CAMK1G: variants seen among roughly 807,000 people sequenced by gnomAD.
The protein encoded by CAMK1G is calcium/calmodulin dependent protein kinase IG, also known as calcium/calmodulin-dependent protein kinase type 1G.
CAMK1G carries 27 observed loss-of-function variants against 54.8 expected under a neutral mutation model. That is an observed-to-expected ratio of 0.49 (90% CI 0.36 to 0.68). The LOEUF is 0.68. CAMK1G is among the 30% of genes least tolerant of loss of function. The pLI is 0.00. For missense variants in CAMK1G, 512 were observed against 591.0 expected (o/e 0.87, Z 1.39); for synonymous variants, 238 against 224.9 (o/e 1.06, Z -0.52).
rs141347676 is a variant in CAMK1G at position 209,597,827 on chromosome 1, T to C, written c.93-2156T>C. 3.3e-3 allele frequency among the ~76,000 whole-genome samples: 504 copies of C among 152,352 alleles called. 1 individual carries two copies. Among genetic ancestry groups the C allele is most frequent in the African/African-American group, 0.011 (477 of 41,582 alleles). On this transcript the variant is annotated intron_variant, in intron 2 of 12. Coordinates refer to ENST00000361322, the MANE Select transcript of CAMK1G (RefSeq NM_020439.3). The stretch of plus-strand genomic sequence containing the variant: ...GTCAAGGATGGCTCAGCTGTTTCCT[T>C]ACTTAGATTCTCTCTCCTCTTGTAC...
chr1:209,603,333 C>T (rs1215519996), intron 4 of CAMK1G, 45 bp downstream of exon 4: 4 of 1,514,860 alleles, frequency 2.6e-6, no homozygotes, highest in East Asian at 2.3e-5. Context: ...CCTGGTGGGG[C>T]CTGGGAGGCC....
chr1:209,612,334 G>T, intron 11 of CAMK1G, 118 bp downstream of exon 11: 1 of 1,115,122 alleles, frequency 9.0e-7, no homozygotes, highest in Non-Finnish European at 1.3e-6. Context: ...TATAGGGAGG[G>T]ATGAGTTCTG....
intron 5 of CAMK1G, 98 bp from the exon 6 acceptor site, chr1:209,606,222 G>T: frequency 6.7e-7 from 1 of 1,500,288 alleles, no homozygotes; most frequent in Non-Finnish European, 9.1e-7. Context: ...GAAGTCAGGA[G>T]CCCAGGGCTC....
chr1:209,584,898 A>G (rs1665056167), intron 1 of CAMK1G, among the ~76,000 whole-genome samples: 1 of 152,324 alleles, frequency 6.6e-6, no homozygotes, highest in East Asian at 1.9e-4. Flanking sequence ...GTAATACCTG[A>G]TATGGGGACC....
chr1:209,594,165 CT>C (rs1364918561), intron 1 of CAMK1G, among the ~76,000 whole-genome samples: 1 of 152,194 alleles, frequency 6.6e-6, no homozygotes, highest in Non-Finnish European at 1.5e-5. Flanking sequence ...AAGACCCTCC[CT>C]GTTTATCTCT....
rs1328950514 is a variant in CAMK1G, at chr1:209,583,763, G to T, written c.-39G>T. On this transcript the variant is annotated 5_prime_UTR_variant, in exon 1 of 13. Coordinates refer to ENST00000361322, the MANE Select transcript of CAMK1G (RefSeq NM_020439.3). ...TGGGAGCTCAAGCAGGATTCTTCCC[G>T]AGTCCCTGGGTAAGACAACCCTGCT... 1.3e-5 allele frequency: 2 copies of T among 152,194 alleles called. No individual in the cohort carries two copies. Among genetic ancestry groups the T allele is most frequent in the Non-Finnish European group, 2.9e-5 (2 of 68,048 alleles). 9.4% of individuals were successfully genotyped at this position (152,194 alleles called of 1,614,324 possible). A position where few individuals can be genotyped will look rare whatever the true frequency, so the allele number is the denominator to read the frequency against.
intron 1 of CAMK1G, among the ~76,000 whole-genome samples, chr1:209,586,497 C>T (rs1200864005): frequency 6.6e-6 from 1 of 152,042 alleles, no homozygotes; most frequent in Admixed American, 6.5e-5. Flanking sequence ...GTGAAAGGCA[C>T]GTGGGAGCTG....
chr1:209,612,634 T>G, intron 11 of CAMK1G, 151 bp from the exon 12 acceptor site: 4 of 635,078 alleles, frequency 6.3e-6, no homozygotes, highest in Non-Finnish European at 1.1e-5. Flanking sequence ...TGGTTATCTT[T>G]ATCTTTTCTG....
chr1:209,598,029 AG>A (rs1196400051), intron 2 of CAMK1G, among the ~76,000 whole-genome samples: 3 of 152,236 alleles, frequency 2.0e-5, no homozygotes, highest in Non-Finnish European at 4.4e-5. Flanking sequence ...ATTTCAGATG[AG>A]GAAACTGGGA....
At chr1:209,604,923 C>T (rs1665611230) in intron 4 of CAMK1G, among the ~76,000 whole-genome samples, 1 of 152,110 alleles carries the variant, frequency 6.6e-6, no homozygotes, top group Non-Finnish European at 1.5e-5. Context: ...CTAGTACTCA[C>T]TAGAAAACTT....
chr1:209,591,702 C>T (rs887420087), intron 1 of CAMK1G, among the ~76,000 whole-genome samples: 1 of 152,106 alleles, frequency 6.6e-6, no homozygotes, highest in African/African-American at 2.4e-5. Flanking sequence ...GAGAAGGGGG[C>T]CTCAGACTTC....
At chr1:209,591,352 A>G (rs1571773035) in intron 1 of CAMK1G, among the ~76,000 whole-genome samples, 1 of 152,218 alleles carries the variant, frequency 6.6e-6, no homozygotes, top group African/African-American at 2.4e-5. Flanking sequence ...AGTTTCTCAC[A>G]TGCATTTTTT....
chr1:209,611,977 C>G lies in CAMK1G; in HGVS notation c.1101C>G (p.Leu367=). ...EAPVLDHSVA[L]PALTQLPCQH... ...CTGTCCTGGACCACAGTGTAGCACT[C>G]CCTGCCCTGACCCAATTACCCTGCC... The change falls in exon 11 of 13, where the codon CTC becomes CTG. Residue 367 remains leucine, a synonymous_variant. Coordinates refer to ENST00000361322, the MANE Select transcript of CAMK1G (RefSeq NM_020439.3). 1.2e-6 allele frequency: 2 copies of G among 1,614,274 alleles called. No homozygotes were observed. Among genetic ancestry groups the G allele is most frequent in the Non-Finnish European group, 1.7e-6 (2 of 1,180,052 alleles).
chr1:209,591,046 C>T (rs959605010), intron 1 of CAMK1G, among the ~76,000 whole-genome samples: 2 of 151,868 alleles, frequency 1.3e-5, no homozygotes, highest in Admixed American at 1.3e-4. Flanking sequence ...AGATTTGGGA[C>T]TCAGGATCTA....
chr1:209,598,660 A>G (rs1326612686), intron 2 of CAMK1G, among the ~76,000 whole-genome samples: 1 of 152,244 alleles, frequency 6.6e-6, no homozygotes, highest in Non-Finnish European at 1.5e-5. Flanking sequence ...CATGTCAGAT[A>G]CAACTGCCAT....
chr1:209,585,866 C>T (rs1308569579), intron 1 of CAMK1G, among the ~76,000 whole-genome samples: 1 of 152,272 alleles, frequency 6.6e-6, no homozygotes, highest in African/African-American at 2.4e-5. Flanking sequence ...AGGGGAGCGG[C>T]TGAGTCTGCA....
Position 209,611,530 on chromosome 1 carries a change from A to G in CAMK1G, c.893A>G (p.Asn298Ser). 6.2e-7 allele frequency: 1 copy of G among 1,614,198 alleles called. No individual in the cohort carries two copies. Among genetic ancestry groups the G allele is most frequent in the Non-Finnish European group, 8.5e-7 (1 of 1,180,012 alleles). The change falls in exon 10 of 13, where the codon AAC becomes AGC. Residue 298 changes from asparagine (N) to serine (S), a missense_variant. Transcript: ENST00000361322. ...TCAGTCAGCCTCCAGATCCAGAAGA[A>G]CTTTGCTAAGAGCAAGTGGAGGGTA... The part of the protein sequence containing the change: ...YPSVSLQIQK[N>S]FAKSKWRQAF...
intron 9 of CAMK1G, among the ~76,000 whole-genome samples, chr1:209,610,626 G>A (rs1665758647): frequency 6.6e-6 from 1 of 152,118 alleles, no homozygotes; most frequent in Non-Finnish European, 1.5e-5. Flanking sequence ...CCTGCCTCTT[G>A]CCCTGTATGT....
At chr1:209,590,710 G>A (rs1665224250) in intron 1 of CAMK1G, among the ~76,000 whole-genome samples, 1 of 152,038 alleles carries the variant, frequency 6.6e-6, no homozygotes, top group Non-Finnish European at 1.5e-5. Flanking sequence ...AGCATCCACA[G>A]CCCTGTTGTT....
Sources: allele counts gnomAD v4.1 joint callset (sites outside exome capture counted in the v4.1 genomes callset), GRCh38; gene constraint gnomAD v4.1.1; transcripts MANE v1.5; gene names NCBI Gene and HGNC (gene_info 2026-07-23, HGNC 2026-07-21).